CHMP4B: variants seen among roughly 807,000 people sequenced by gnomAD.
CHMP4B encodes the protein charged multivesicular body protein 4B.
A neutral mutation model predicts 25.1 loss-of-function variants in CHMP4B; 1 was observed. That is an observed-to-expected ratio of 0.04 (90% CI 0.01 to 0.19). The LOEUF is 0.19. Ranked by LOEUF, CHMP4B falls within the 10% of genes least tolerant of loss-of-function variation. CHMP4B has a pLI of 1.00. For synonymous variants in CHMP4B, 101 were observed against 115.6 expected (o/e 0.87, Z 0.81); for missense variants, 151 against 289.7 (o/e 0.52, Z 3.48).
At chr20:33,816,195 T>C (rs1338447947) in intron 1 of CHMP4B, among the ~76,000 whole-genome samples, 1 of 152,192 alleles carries the variant, frequency 6.6e-6, no homozygotes, top group Non-Finnish European at 1.5e-5. Flanking sequence ...CTTAAGCATG[T>C]GGCAGGCCCT....
At chr20:33,818,122 G>A (rs929594484) in intron 1 of CHMP4B, among the ~76,000 whole-genome samples, 12 of 152,210 alleles carry the variant, frequency 7.9e-5, no homozygotes, top group African/African-American at 2.9e-4. Context: ...GTGCCTGCCA[G>A]AATGCCTGGC....
At chr20:33,819,342 T>C (rs1478361649) in intron 1 of CHMP4B, among the ~76,000 whole-genome samples, 1 of 152,240 alleles carries the variant, frequency 6.6e-6, no homozygotes, top group East Asian at 1.9e-4. Context: ...TTATGAGTGC[T>C]CTTTAGCCCT....
chr20:33,841,977 G>A (rs577346999), intron 1 of CHMP4B, among the ~76,000 whole-genome samples: 2 of 152,234 alleles, frequency 1.3e-5, no homozygotes, highest in South Asian at 4.1e-4. Context: ...TACTAGTCCT[G>A]GTTCTTTCTC....
At chr20:33,832,341 T>G (rs1979274746) in intron 1 of CHMP4B, among the ~76,000 whole-genome samples, 1 of 152,078 alleles carries the variant, frequency 6.6e-6, no homozygotes, top group Non-Finnish European at 1.5e-5. Flanking sequence ...AAGAACCTGG[T>G]CACCTCTCAG....
At chr20:33,852,381 C>T (rs1378764606) in intron 4 of CHMP4B, among the ~76,000 whole-genome samples, 178 bp downstream of exon 4, 1 of 150,816 alleles carries the variant, frequency 6.6e-6, no homozygotes, top group African/African-American at 2.4e-5. Flanking sequence ...CCACAGAGGC[C>T]ATGTCACCTG....
chr20:33,826,047 G>A (rs965927651), intron 1 of CHMP4B, among the ~76,000 whole-genome samples: 24 of 152,158 alleles, frequency 1.6e-4, no homozygotes, highest in Non-Finnish European at 3.2e-4. Context: ...GGATGGTGTG[G>A]GTCATAGTTC....
At chr20:33,851,157 C>A in intron 3 of CHMP4B, 91 bp downstream of exon 3, 1 of 848,456 alleles carries the variant, frequency 1.2e-6, no homozygotes, top group Non-Finnish European at 2.0e-6. Flanking sequence ...AGGCAGGGAG[C>A]ATTTGGACTT....
rs190420193 is a variant in CHMP4B at position 33,824,003 on chromosome 20, G to A, written c.190+12345G>A. Among the ~76,000 whole-genome samples the A allele has an allele frequency of 7.4e-4, 113 of 152,230 alleles. 1 individual carries two copies. The Middle Eastern group carries it at 0.017, about 23-fold the overall frequency. On this transcript the variant is annotated intron_variant, in intron 1 of 4. Transcript: ENST00000217402. ...AGATTGCTATAATCCTTGAGTGCTC[G>A]TAATTTATCAATAGACAGAATCTTG...
At chr20:33,852,714 C>T (rs6120390) in intron 4 of CHMP4B, among the ~76,000 whole-genome samples, 3,117 of 152,208 alleles carry the variant, frequency 0.02, 113 homozygotes, top group African/African-American at 0.072. Flanking sequence ...GGTGTGAGAG[C>T]GTGAGTCCAG....
chr20:33,830,933 G>GTTTTTTTTTTTTTGT (rs1979224165), intron 1 of CHMP4B, among the ~76,000 whole-genome samples: 7 of 102,524 alleles, frequency 6.8e-5, no homozygotes, highest in Non-Finnish European at 5.6e-5. Flanking sequence ...AAGGAACAGA[G>GTTTTTTTTTTTTTGT]TTTTTTTTTT....
rs1177901289 is a variant in CHMP4B, at chr20:33,811,548, A to G, written c.80A>G (p.Gln27Arg). 6.2e-7 allele frequency: 1 copy of G among 1,612,344 alleles called. No homozygotes were observed. The highest frequency in any genetic ancestry group is 1.1e-5 in the South Asian group (1 of 90,824). ...KGGPTPQEAI[Q>R]RLRDTEEMLS... ...GGCCCGACCCCCCAGGAGGCCATCC[A>G]GCGGCTGCGGGACACGGAAGAGATG... The change falls in exon 1 of 5, where the codon CAG (glutamine) becomes CGG (arginine). Residue 27 changes from glutamine (Q) to arginine (R), a missense_variant. Physicochemically the swap from Gln to Arg is conservative, Grantham distance 43 (BLOSUM62 1). Coordinates refer to ENST00000217402, the MANE Select transcript of CHMP4B (RefSeq NM_176812.5).
At chr20:33,835,085 C>T (rs918937687) in intron 1 of CHMP4B, among the ~76,000 whole-genome samples, 9 of 152,164 alleles carry the variant, frequency 5.9e-5, no homozygotes, top group African/African-American at 1.2e-4. Context: ...CGTGAGCCAT[C>T]GCACCTGGCC....
intron 1 of CHMP4B, among the ~76,000 whole-genome samples, chr20:33,823,462 C>T (rs545537292): frequency 1.3e-5 from 2 of 152,206 alleles, no homozygotes; most frequent in Admixed American, 1.3e-4. Context: ...GCCTGGACAT[C>T]CTGGGCTCAA....
intron 1 of CHMP4B, among the ~76,000 whole-genome samples, chr20:33,822,360 G>T (rs1206833202): frequency 6.6e-6 from 1 of 152,136 alleles, no homozygotes; most frequent in African/African-American, 2.4e-5. Flanking sequence ...GGCCAGGCTG[G>T]TCTCGAACTC....
intron 2 of CHMP4B, among the ~76,000 whole-genome samples, chr20:33,850,661 G>A (rs188795206): frequency 5.3e-5 from 8 of 152,296 alleles, no homozygotes; most frequent in African/African-American, 1.7e-4. Flanking sequence ...AAAGCCCTGC[G>A]GTCTTAATGT....
At chr20:33,819,641 T>C (rs1281026073) in intron 1 of CHMP4B, among the ~76,000 whole-genome samples, 1 of 152,164 alleles carries the variant, frequency 6.6e-6, no homozygotes, top group Non-Finnish European at 1.5e-5. Flanking sequence ...CTGGTTGTGG[T>C]TGTTTAGCTC....
intron 1 of CHMP4B, among the ~76,000 whole-genome samples, chr20:33,813,656 G>T (rs1601313972): frequency 6.6e-6 from 1 of 152,158 alleles, no homozygotes; most frequent in East Asian, 1.9e-4. Context: ...CAGGAGGAGG[G>T]TGTCAGTTTA....
chr20:33,850,040 G>A (rs866894788), intron 2 of CHMP4B, among the ~76,000 whole-genome samples: 2 of 152,212 alleles, frequency 1.3e-5, no homozygotes, highest in African/African-American at 2.4e-5. Context: ...GCCTCTCAAA[G>A]TTTTGGGATT....
At chr20:33,818,604 G>A (rs1324041658) in intron 1 of CHMP4B, among the ~76,000 whole-genome samples, 1 of 152,182 alleles carries the variant, frequency 6.6e-6, no homozygotes, top group African/African-American at 2.4e-5. Context: ...AGCTCCATAG[G>A]GAAGCAGCCT....
Sources: gnomAD v4.1 joint callset for allele counts (sites outside exome capture counted in the v4.1 genomes callset) on GRCh38, gnomAD v4.1.1 for gene constraint, MANE v1.5 for transcripts, NCBI Gene and HGNC (gene_info 2026-07-23, HGNC 2026-07-21) for gene names.